RUVBL1: variants seen among roughly 807,000 people sequenced by gnomAD.
The protein encoded by RUVBL1 is RuvB like AAA ATPase 1.
Under a neutral mutation model 52.4 loss-of-function variants are expected in RUVBL1, and 4 were observed. The observed-to-expected ratio is 0.08, with a 90% CI of 0.04 to 0.17. RUVBL1 has a LOEUF of 0.17. Ranked by LOEUF, RUVBL1 falls within the 10% of genes least tolerant of loss-of-function variation. The probability of loss-of-function intolerance (pLI) is 1.00; values close to 1 mark genes in which losing one functional copy is unlikely to be tolerated. For missense variants in RUVBL1, 298 were observed against 572.8 expected, an observed-to-expected ratio of 0.52 and a Z score of 4.90; for synonymous variants, 217 against 214.4, an observed-to-expected ratio of 1.01 and a Z score of -0.10.
rs181849451 is a variant in RUVBL1, at chr3:128,065,965, A to G, written c.940-745T>C. Among the ~76,000 whole-genome samples, 50 of 151,704 alleles carry G rather than the reference A, an allele frequency of 3.3e-4. No individual in the cohort carries two copies. In the East Asian group the frequency reaches 6.6e-3, roughly 20 times the overall value. On this transcript the variant is annotated intron_variant, in intron 9 of 9. Transcript: ENST00000464873. ...CACCGTGTTAGCCAGGATGGTCTCG[A>G]TCTCCTGACCTCGTGATCCGCCCGC...
rs1943486701 is a variant in RUVBL1, at chr3:128,114,978, C to A, written c.229-1958G>T. ...AACTAATACAGAAGAGATGAACATA[C>A]TTCCATTAAAATATGATAAATACTT... On this transcript the variant is annotated intron_variant, in intron 2 of 10. Transcript: ENST00000322623. Among the ~76,000 whole-genome samples, 3 of 151,794 alleles carry A rather than the reference C, an allele frequency of 2.0e-5. No individual in the cohort carries two copies. In the South Asian group the frequency reaches 6.3e-4, roughly 32 times the overall value.
intron 1 of RUVBL1, among the ~76,000 whole-genome samples, chr3:128,144,635 A>G (rs1377006652): frequency 1.3e-5 from 2 of 152,218 alleles, no homozygotes; most frequent in Non-Finnish European, 2.9e-5. Flanking sequence ...GGGCTATCAA[A>G]GATATGCAAG....
At chr3:128,153,197 A>T in intron 1 of RUVBL1, 1 of 1,289,064 alleles carries the variant, frequency 7.8e-7, no homozygotes, top group Non-Finnish European at 9.8e-7. Context: ...CCAAGTCTCC[A>T]CTCACCCAGA....
chr3:128,139,269 G>T (rs900811314), intron 1 of RUVBL1, among the ~76,000 whole-genome samples: 4 of 152,042 alleles, frequency 2.6e-5, no homozygotes, highest in African/African-American at 9.7e-5. Context: ...CCACAGAATG[G>T]GGGAAAATAT....
At chr3:128,150,961 C>CTATATAT (rs1323706834) in intron 1 of RUVBL1, among the ~76,000 whole-genome samples, 2 of 77,202 alleles carry the variant, frequency 2.6e-5, no homozygotes, top group Non-Finnish European at 4.5e-5. Flanking sequence ...ATTATATATT[C>CTATATAT]TATATATTAT....
At chr3:128,086,993 T>A (rs1476250058) in intron 9 of RUVBL1, among the ~76,000 whole-genome samples, 1 of 152,276 alleles carries the variant, frequency 6.6e-6, no homozygotes, top group Non-Finnish European at 1.5e-5. Flanking sequence ...AGCCTCTTAT[T>A]ATATGATCAG....
rs1401373274 is a variant in RUVBL1, at chr3:128,104,692, T to G, written c.513+81A>C. 4 of 1,256,738 alleles carry G rather than the reference T, an allele frequency of 3.2e-6. No homozygotes were observed. In the African/African-American group the frequency reaches 5.9e-5, roughly 19 times the overall value. 77.8% of individuals were successfully genotyped at this position (1,256,738 alleles called of 1,614,324 possible). On this transcript the variant is annotated intron_variant, in intron 4 of 10. Coordinates refer to ENST00000322623, the MANE Select transcript of RUVBL1 (RefSeq NM_003707.3). ...CAGTGCACAGGTCAGGAAACTGGGA[T>G]GCAGAGAGGTTACACCACCTGCCCA...
At chr3:128,126,180 A>G (rs1270582988), upstream of RUVBL1, among the ~76,000 whole-genome samples, 1 of 150,058 alleles carries the variant, frequency 6.7e-6, no homozygotes, top group African/African-American at 2.5e-5. Flanking sequence ...CCATGCCCCC[A>G]CTTCCACCAG....
rs899702994 is a variant in RUVBL1, at chr3:128,067,319, C to T, written c.940-2099G>A. 1 of 1,353,888 alleles carries T rather than the reference C, an allele frequency of 7.4e-7. No homozygotes were observed. Among genetic ancestry groups the T allele is most frequent in the Non-Finnish European group, 1.0e-6 (1 of 979,622 alleles). The allele number at this position is 1,353,888 out of a possible 1,614,324, so 83.9% of individuals were successfully genotyped here. ...CAGTAAAAAAATTGTACTGTGGGCA[C>T]CGAGTAAAATTGCATTCTTTCATCT... On this transcript the variant is annotated intron_variant, in intron 9 of 9. Transcript: ENST00000464873. This position sits in a 1 kb window ranked among gnomAD's most constrained non-coding sequence, Gnocchi z 4.1.
rs761018484 is a variant in RUVBL1 at position 128,123,743 on chromosome 3, T to TAAAACCAGCGTGG, written c.-32_-20dup. 4 of 1,587,740 alleles carry TAAAACCAGCGTGG rather than the reference T, an allele frequency of 2.5e-6. 1 individual carries two copies. The highest frequency in any genetic ancestry group is 2.2e-5 in the South Asian group (2 of 90,266). Reference sequence around the variant, plus strand: ...TCTTCATTTTGCAGACGCCGGGAGCTAAAACCAGCGTGGAAAACCAGCAGC... The same window carrying TAAAACCAGCGTGG: ...TCTTCATTTTGCAGACGCCGGGAGCTAAAACCAGCGTGGAAAACCAGCGTGGAAAACCAGCAGC... On this transcript the variant is annotated 5_prime_UTR_variant, in exon 1 of 11. Transcript: ENST00000322623.
At chr3:128,141,572 C>T (rs552483495) in intron 1 of RUVBL1, among the ~76,000 whole-genome samples, 2 of 152,296 alleles carry the variant, frequency 1.3e-5, no homozygotes, top group East Asian at 1.9e-4. Flanking sequence ...TCTCGGCTCA[C>T]GGCAACCTCT....
At chr3:128,090,878 A>G (rs2107679897) in intron 8 of RUVBL1, among the ~76,000 whole-genome samples, 1 of 152,336 alleles carries the variant, frequency 6.6e-6, no homozygotes. Flanking sequence ...AAAATATCCA[A>G]AATTCTACAC....
chr3:128,069,827 T>C lies in RUVBL1; in HGVS notation c.940-4607A>G, dbSNP rs756380184. On this transcript the variant is annotated intron_variant, in intron 9 of 9. Coordinates refer to the RUVBL1 transcript ENST00000464873. ...GTGCTAGACATTTTCCAATTTAAAA[T>C]TTTGCTTTTTATCCTGGCACTGGCA... 2.1e-4 allele frequency: 150 copies of C among 700,914 alleles called. 1 individual carries two copies. The highest frequency in any genetic ancestry group is 7.7e-4 in the Middle Eastern group (2 of 2,604). 43.4% of individuals were successfully genotyped at this position (700,914 alleles called of 1,614,324 possible). A position where few individuals can be genotyped will look rare whatever the true frequency, so the allele number is the denominator to read the frequency against.
exon 10 of RUVBL1, chr3:128,064,809 T>A (rs906318476): frequency 4.4e-5 from 62 of 1,405,110 alleles, no homozygotes; most frequent in Non-Finnish European, 5.9e-5. Flanking sequence ...ATTTGTCTGC[T>A]AAGAAGGCTA....
intron 1 of RUVBL1, among the ~76,000 whole-genome samples, chr3:128,123,105 G>A (rs1384710980): frequency 1.3e-5 from 2 of 152,082 alleles, no homozygotes; most frequent in Admixed American, 6.5e-5. Flanking sequence ...CCGTCCCATA[G>A]CCTGCCACTG....
At chr3:128,153,885 G>T (rs1328059271) in exon 1 of RUVBL1, 16 of 1,438,062 alleles carry the variant, frequency 1.1e-5, no homozygotes, top group South Asian at 1.5e-5. Context: ...CGGGCCCCGT[G>T]TCCGAATTCG....
At chr3:128,109,583 C>T (rs1165958865) in intron 3 of RUVBL1, among the ~76,000 whole-genome samples, 2 of 151,972 alleles carry the variant, frequency 1.3e-5, no homozygotes, top group Non-Finnish European at 2.9e-5. Context: ...ACTGCAGCCT[C>T]GACTTACTCA....
intron 1 of RUVBL1, among the ~76,000 whole-genome samples, chr3:128,130,649 T>G (rs1943864415): frequency 6.7e-6 from 1 of 148,808 alleles, no homozygotes; most frequent in South Asian, 2.1e-4. Flanking sequence ...ATTTATTTAT[T>G]TATTTATTTA....
chr3:128,094,113 T>A (rs1010085066), intron 8 of RUVBL1, among the ~76,000 whole-genome samples: 5 of 152,114 alleles, frequency 3.3e-5, no homozygotes, highest in African/African-American at 1.2e-4. Flanking sequence ...CACATAATTC[T>A]GCAAAAAAGG....
Sources: allele counts gnomAD v4.1 joint callset (sites outside exome capture counted in the v4.1 genomes callset), GRCh38; gene constraint gnomAD v4.1.1; non-coding constraint Gnocchi (gnomAD v3.1); transcripts MANE v1.5; gene names NCBI Gene and HGNC (gene_info 2026-07-23, HGNC 2026-07-21).